The following UNC13C variants were observed in gnomAD, a reference collection of about 807,000 sequenced individuals.
The protein encoded by UNC13C is protein unc-13 homolog C.
UNC13C carries 174 observed loss-of-function variants against 245.4 expected under a neutral mutation model. The ratio of observed to expected loss-of-function variants is 0.71; its 90% CI spans 0.63 to 0.80. The LOEUF (loss-of-function observed/expected upper bound fraction) is 0.80, where lower values mean the gene tolerates loss of function less well. Ranked by LOEUF, UNC13C falls within the 30% of genes least tolerant of loss-of-function variation. The probability of loss-of-function intolerance (pLI) is 0.00; values close to 1 mark genes in which losing one functional copy is unlikely to be tolerated. For missense variants in UNC13C, 2,829 were observed against 2,602.9 expected (o/e 1.09, Z -1.89); for synonymous variants, 992 against 895.1 (o/e 1.11, Z -1.93).
At chr15:54,210,567 C>T (rs918091698) in intron 4 of UNC13C, among the ~76,000 whole-genome samples, 1 of 151,950 alleles carries the variant, frequency 6.6e-6, no homozygotes, top group Non-Finnish European at 1.5e-5. Context: ...TGCATTTATG[C>T]GTCATCACAT....
intron 26 of UNC13C, among the ~76,000 whole-genome samples, chr15:54,539,172 C>T (rs925063222): frequency 6.6e-6 from 1 of 151,944 alleles, no homozygotes; most frequent in African/African-American, 2.4e-5. Context: ...ACTATGACTT[C>T]TGTTTTAATT....
chr15:54,592,557 TTG>T lies in UNC13C; in HGVS notation c.6106+24612_6106+24613del, dbSNP rs201338477. Among the ~76,000 whole-genome samples, 92 of 152,314 alleles carry T rather than the reference TTG, an allele frequency of 6.0e-4. 1 individual carries two copies. The East Asian group carries it at 0.016, about 27-fold the overall frequency. Reference sequence around the variant, plus strand: ...TTTTACCATTCTATACTGTCCCTTTTTGTCTCTTTTAACCGCTGTTGCTTTAA... The same window carrying T: ...TTTTACCATTCTATACTGTCCCTTTTTCTCTTTTAACCGCTGTTGCTTTAA... On this transcript the variant is annotated intron_variant, in intron 30 of 32. Coordinates refer to ENST00000260323, the MANE Select transcript of UNC13C (RefSeq NM_001080534.3).
At chr15:54,270,340 A>G (rs929556286) in intron 10 of UNC13C, among the ~76,000 whole-genome samples, 2 of 152,152 alleles carry the variant, frequency 1.3e-5, no homozygotes, top group African/African-American at 4.8e-5. Flanking sequence ...GTGGAAAAAT[A>G]TATACTGACA....
At chr15:54,186,820 CACAT>C (rs1172796710) in intron 4 of UNC13C, among the ~76,000 whole-genome samples, 3 of 127,930 alleles carry the variant, frequency 2.3e-5, no homozygotes, top group East Asian at 2.3e-4. Context: ...TGTCCACTGA[CACAT>C]ACAAAGAACA....
intron 2 of UNC13C, among the ~76,000 whole-genome samples, chr15:54,112,936 A>G (rs936540698): frequency 6.6e-6 from 1 of 152,190 alleles, no homozygotes; most frequent in African/African-American, 2.4e-5. Context: ...TTGATCAAAC[A>G]TTATCTTGCA....
At chr15:54,056,695 A>T (rs1897543171) in intron 2 of UNC13C, among the ~76,000 whole-genome samples, 1 of 152,184 alleles carries the variant, frequency 6.6e-6, no homozygotes, top group African/African-American at 2.4e-5. Flanking sequence ...AAAAAATGTT[A>T]AGGGCAGCCA....
intron 13 of UNC13C, among the ~76,000 whole-genome samples, chr15:54,318,459 C>A (rs1258413172): frequency 3.3e-5 from 5 of 151,884 alleles, no homozygotes; most frequent in Non-Finnish European, 4.4e-5. Context: ...TCTTAATCGG[C>A]ATTTCCCTGA....
chr15:54,377,150 C>T (rs889206087), intron 17 of UNC13C, among the ~76,000 whole-genome samples: 8 of 152,142 alleles, frequency 5.3e-5, no homozygotes, highest in Admixed American at 1.3e-4. Context: ...AACCAACCAC[C>T]GCCCCACAGG....
intron 28 of UNC13C, among the ~76,000 whole-genome samples, chr15:54,552,853 TA>T (rs1896882315): frequency 9.0e-5 from 4 of 44,334 alleles, no homozygotes; most frequent in African/African-American, 7.4e-4. Flanking sequence ...CAATATATAA[TA>T]TATATTAATA....
chr15:54,208,456 T>G (rs186822721), intron 4 of UNC13C, among the ~76,000 whole-genome samples: 21 of 152,292 alleles, frequency 1.4e-4, no homozygotes, highest in Non-Finnish European at 2.1e-4. Context: ...AGTTGTTTAC[T>G]CATTTATTCA....
At chr15:54,621,200 A>T (rs1351810206) in intron 30 of UNC13C, among the ~76,000 whole-genome samples, 1 of 152,176 alleles carries the variant, frequency 6.6e-6, no homozygotes, top group Non-Finnish European at 1.5e-5. Flanking sequence ...CCGGGCTTTC[A>T]GCATTTGCCT....
At chr15:54,333,213 ATAAACATCTG>A (rs375343294) in intron 15 of UNC13C, among the ~76,000 whole-genome samples, 81 of 152,204 alleles carry the variant, frequency 5.3e-4, no homozygotes, top group African/African-American at 1.9e-3. Flanking sequence ...CTTCAAAATT[ATAAACATCTG>A]TATTTTTAAA....
Position 54,039,815 on chromosome 15 carries a change from C to G in UNC13C, c.2983+23929C>G, listed in dbSNP as rs190040017. 1.8e-3 allele frequency among the ~76,000 whole-genome samples: 278 copies of G among 151,716 alleles called. 1 individual carries two copies. The highest frequency in any genetic ancestry group is 6.4e-3 in the African/African-American group (265 of 41,358). On this transcript the variant is annotated intron_variant, in intron 2 of 32. Transcript: ENST00000260323. Reference sequence around the variant, plus strand: ...ATCTGATGACTTCTTACATGTCACTCCCCCACCTTCATTTGCTTCCCTTTC... The same window carrying G: ...ATCTGATGACTTCTTACATGTCACTGCCCCACCTTCATTTGCTTCCCTTTC...
chr15:53,879,243 C>A, the UNC13C span, among the ~76,000 whole-genome samples: 2 of 152,108 alleles, frequency 1.3e-5, no homozygotes, highest in East Asian at 1.9e-4. Context: ...CTCATTGCAG[C>A]TTTGACCCCC....
At chr15:53,878,621 G>A in the UNC13C span, among the ~76,000 whole-genome samples, 1 of 151,988 alleles carries the variant, frequency 6.6e-6, no homozygotes, top group African/African-American at 2.4e-5. Flanking sequence ...CTGTGCTGCT[G>A]TTTGTCTACT....
At chr15:54,540,753 TC>T (rs1431564048) in intron 26 of UNC13C, among the ~76,000 whole-genome samples, 1 of 152,060 alleles carries the variant, frequency 6.6e-6, no homozygotes, top group East Asian at 1.9e-4. Flanking sequence ...CTAAAAGAAA[TC>T]CTACGAGCTG....
Position 54,014,999 on chromosome 15 carries a change from G to T in UNC13C, c.2096G>T (p.Gly699Val). 1 of 1,613,566 alleles carries T rather than the reference G, an allele frequency of 6.2e-7. No individual in the cohort carries two copies. The highest frequency in any genetic ancestry group is 8.5e-7 in the Non-Finnish European group (1 of 1,179,770). The change falls in exon 2 of 33, where the codon GGA (glycine) becomes GTA (valine). Residue 699 changes from glycine to valine, a missense_variant. Coordinates refer to ENST00000260323, the MANE Select transcript of UNC13C (RefSeq NM_001080534.3). ...TACAATAAAGACCTAGAATACTTGG[G>T]AAAGTGCCACAGTGATCTTCAAGAT... The part of the protein sequence containing the change: ...DVYNKDLEYL[G>V]KCHSDLQDDS...
intron 2 of UNC13C, among the ~76,000 whole-genome samples, chr15:54,123,086 G>T (rs1416903520): frequency 6.6e-6 from 1 of 151,872 alleles, no homozygotes; most frequent in African/African-American, 2.4e-5. Flanking sequence ...AGTTTGTGTT[G>T]CTTCACATCT....
chr15:54,014,845 C>T lies in UNC13C; in HGVS notation c.1942C>T (p.Leu648Phe). Residue 648 changes from leucine (L) to phenylalanine (F), a missense_variant, in exon 2 of 33, where the codon CTC becomes TTC. Coordinates refer to ENST00000260323, the MANE Select transcript of UNC13C (RefSeq NM_001080534.3). ...GDRSHYSDSQLSLHEDLSPWK... is the reference protein window; with the variant it reads ...GDRSHYSDSQFSLHEDLSPWK... ...CCGGAGTCATTACAGTGATTCTCAG[C>T]TCTCTTTACATGAGGATCTTTCTCC... 6.2e-7 allele frequency: 1 copy of T among 1,613,896 alleles called. No individual in the cohort carries two copies. Among genetic ancestry groups the T allele is most frequent in the South Asian group, 1.1e-5 (1 of 91,074 alleles).
Sources: gnomAD v4.1 joint callset for allele counts (sites outside exome capture counted in the v4.1 genomes callset) on GRCh38, gnomAD v4.1.1 for gene constraint, MANE v1.5 for transcripts, NCBI Gene and HGNC (gene_info 2026-07-23, HGNC 2026-07-21) for gene names.